FRMPD4: variants seen among roughly 807,000 people sequenced by gnomAD.
The protein encoded by FRMPD4 is FERM and PDZ domain-containing protein 4.
A neutral mutation model predicts 94.1 loss-of-function variants in FRMPD4; 22 were observed. That is an observed-to-expected ratio of 0.23 (90% CI 0.17 to 0.33). FRMPD4 has a LOEUF of 0.33. Ranked by LOEUF, FRMPD4 falls within the 10% of genes least tolerant of loss-of-function variation. The pLI, the probability that FRMPD4 is intolerant of heterozygous loss-of-function variation, is 1.00. For missense variants in FRMPD4, 1,111 were observed against 1,339.9 expected (o/e 0.83, Z 2.67); for synonymous variants, 631 against 548.6 (o/e 1.15, Z -2.10).
rs757669791 is a variant in FRMPD4, at chrX:12,465,747, C to G, written c.42-32933C>G. On this transcript the variant is annotated intron_variant, in intron 1 of 16. Transcript: ENST00000675598. Reference sequence around the variant, plus strand: ...TATATTAAGCAATAAATGCAGTGCCCAGAATGCATGATTATTGCAGGTTGT... The same window carrying G: ...TATATTAAGCAATAAATGCAGTGCCGAGAATGCATGATTATTGCAGGTTGT... 1.3e-4 allele frequency among the ~76,000 whole-genome samples: 14 copies of G among 111,954 alleles called. No individual in the cohort carries two copies. In the South Asian group the frequency reaches 5.3e-3, roughly 42 times the overall value.
intron 11 of FRMPD4, among the ~76,000 whole-genome samples, chrX:12,706,086 C>CT (rs375437435): frequency 0.074 from 7,668 of 102,941 alleles, 655 homozygotes; most frequent in African/African-American, 0.24. Context: ...AAACATGGAC[C>CT]TTTTTTTTTT....
intron 3 of FRMPD4, among the ~76,000 whole-genome samples, chrX:12,056,180 C>G (rs181260914): frequency 8.9e-6 from 1 of 111,907 alleles, no homozygotes; most frequent in East Asian, 2.8e-4. Context: ...AGAAGCTTTG[C>G]TGAAAAATCA....
intron 3 of FRMPD4, among the ~76,000 whole-genome samples, chrX:11,991,026 G>A (rs1282463641): frequency 8.9e-6 from 1 of 112,008 alleles, no homozygotes; most frequent in Non-Finnish European, 1.9e-5. Context: ...TGTTCTAGGG[G>A]TTATCTGTAG....
chrX:12,360,411 C>T (rs2055967014), intron 1 of FRMPD4, among the ~76,000 whole-genome samples: 1 of 111,288 alleles, frequency 9.0e-6, no homozygotes, highest in Admixed American at 9.5e-5. Context: ...TGAGGGCAAC[C>T]ATCCATATAT....
At chrX:12,435,505 G>A (rs1263383171) in intron 1 of FRMPD4, among the ~76,000 whole-genome samples, 1 of 111,494 alleles carries the variant, frequency 9.0e-6, no homozygotes, top group Non-Finnish European at 1.9e-5. Flanking sequence ...TACATTTTTA[G>A]TAGGTAGCCT....
intron 1 of FRMPD4, among the ~76,000 whole-genome samples, chrX:12,350,093 C>T (rs1455553750): frequency 9.0e-6 from 1 of 110,845 alleles, no homozygotes; most frequent in Non-Finnish European, 1.9e-5. Context: ...GATGTTTGAA[C>T]ATATAATACA....
In FRMPD4 at chrX:12,063,301, C is replaced by T. The variant is rs147641382; in HGVS notation, c.95+185283C>T. 9.9e-5 allele frequency among the ~76,000 whole-genome samples: 11 copies of T among 111,262 alleles called. No homozygotes were observed. The East Asian group carries it at 2.0e-3, about 20-fold the overall frequency. The stretch of plus-strand genomic sequence containing the variant: ...GGAAGATCACTTGGACCTGGGAGGT[C>T]GAGTCTGCAATGAGCCATGATTGCA... On this transcript the variant is annotated intron_variant, in intron 3 of 18. Coordinates refer to the FRMPD4 transcript ENST00000640291.
intron 1 of FRMPD4, among the ~76,000 whole-genome samples, chrX:12,481,513 A>G (rs1483303411): frequency 2.7e-5 from 3 of 111,274 alleles, no homozygotes; most frequent in Non-Finnish European, 3.8e-5. Flanking sequence ...TGACTCACCA[A>G]AACTCAACTA....
intron 2 of FRMPD4, among the ~76,000 whole-genome samples, chrX:12,563,595 T>C (rs2148350123): frequency 8.9e-6 from 1 of 112,269 alleles, no homozygotes; most frequent in South Asian, 3.8e-4. Context: ...AGGGTTGCTA[T>C]TCAGTTGCCT....
At chrX:12,464,812 A>G (rs927895364) in intron 1 of FRMPD4, among the ~76,000 whole-genome samples, 1 of 112,328 alleles carries the variant, frequency 8.9e-6, no homozygotes, top group East Asian at 2.8e-4. Context: ...ACTGGATTAT[A>G]TAAGAATGAC....
intron 2 of FRMPD4, among the ~76,000 whole-genome samples, chrX:12,535,309 T>A (rs758819202): frequency 1.8e-5 from 2 of 111,763 alleles, no homozygotes; most frequent in African/African-American, 6.5e-5. Flanking sequence ...TTGCCCAGTC[T>A]CTGGTATGTC....
intron 3 of FRMPD4, among the ~76,000 whole-genome samples, chrX:11,969,305 G>A (rs754046590): frequency 6.3e-5 from 7 of 111,960 alleles, no homozygotes; most frequent in Non-Finnish European, 1.3e-4. Context: ...CCCCTACCCC[G>A]TTTACTGAAA....
intron 1 of FRMPD4, among the ~76,000 whole-genome samples, chrX:12,281,576 C>T (rs1204728789): frequency 9.1e-6 from 1 of 110,486 alleles, no homozygotes; most frequent in Admixed American, 9.6e-5. Context: ...GGTTTTGCCA[C>T]GTTACTCAGG....
chrX:12,621,144 C>T (rs1329338281), intron 4 of FRMPD4, among the ~76,000 whole-genome samples: 2 of 111,540 alleles, frequency 1.8e-5, no homozygotes, highest in African/African-American at 3.3e-5. Flanking sequence ...ATGGGAGGAT[C>T]GCTTGAACCC....
intron 3 of FRMPD4, among the ~76,000 whole-genome samples, chrX:12,101,139 T>C (rs1902016709): frequency 9.0e-6 from 1 of 111,706 alleles, no homozygotes; most frequent in South Asian, 3.8e-4. Context: ...GGGGTGTGTT[T>C]CTGTAGATGC....
At position 11,828,967 on chromosome X, in the gene FRMPD4, G is replaced by A. The variant is rs369343656; in HGVS notation, c.-161+6252G>A. 4.5e-5 allele frequency among the ~76,000 whole-genome samples: 5 copies of A among 112,175 alleles called. No homozygotes were observed. The South Asian group carries it at 1.8e-3, about 41-fold the overall frequency. The stretch of plus-strand genomic sequence containing the variant: ...CGAGCAGGCTCAAGCTCCATGAAGA[G>A]CTGATGTCTCAGTTGGAATCTGAAG... On this transcript the variant is annotated intron_variant, in intron 1 of 18. Transcript: ENST00000640291.
At chrX:12,353,406 A>G (rs1268270809) in intron 1 of FRMPD4, among the ~76,000 whole-genome samples, 2 of 111,669 alleles carry the variant, frequency 1.8e-5, no homozygotes, top group Non-Finnish European at 3.8e-5. Context: ...CCTACTAAAC[A>G]TTCTTCCCAA....
chrX:12,184,256 T>C (rs1317077486), intron 1 of FRMPD4, among the ~76,000 whole-genome samples: 1 of 111,133 alleles, frequency 9.0e-6, no homozygotes, highest in Non-Finnish European at 1.9e-5. Context: ...AACAAATGCA[T>C]GCATGGAGGA....
intron 1 of FRMPD4, among the ~76,000 whole-genome samples, chrX:12,393,671 C>A (rs2056506232): frequency 8.9e-6 from 1 of 112,006 alleles, no homozygotes; most frequent in African/African-American, 3.2e-5. Context: ...AACAAATATA[C>A]CTGGATTTTC....
Sources: allele counts gnomAD v4.1 joint callset (sites outside exome capture counted in the v4.1 genomes callset), GRCh38; gene constraint gnomAD v4.1.1; transcripts MANE v1.5; gene names NCBI Gene and HGNC (gene_info 2026-07-23, HGNC 2026-07-21).